Variants in KALRN observed in about 807,000 individuals in gnomAD.
KALRN encodes the protein kalirin RhoGEF kinase.
In KALRN, 70 loss-of-function variants were observed where a neutral mutation model predicts 353.7. The ratio of observed to expected loss-of-function variants is 0.20; its 90% CI spans 0.16 to 0.24. The LOEUF is 0.24. KALRN is among the 10% of genes least tolerant of loss of function. The pLI is 1.00. For missense variants in KALRN, 2,791 were observed against 3,756.7 expected (o/e 0.74, Z 6.72); for synonymous variants, 1,391 against 1,434.8 (o/e 0.97, Z 0.69).
intron 1 of KALRN, among the ~76,000 whole-genome samples, chr3:124,045,455 T>G (rs933005607): frequency 1.3e-5 from 2 of 152,166 alleles, no homozygotes; most frequent in Non-Finnish European, 2.9e-5. Context: ...GCTCAGATAC[T>G]TGGAAGTAAA....
chr3:124,205,417 G>T (rs370992196), intron 1 of KALRN, among the ~76,000 whole-genome samples: 1 of 152,178 alleles, frequency 6.6e-6, no homozygotes, highest in African/African-American at 2.4e-5. Flanking sequence ...CTTGACAGTC[G>T]TGTGACCTTG....
At chr3:124,552,395 C>T (rs776840197) in intron 33 of KALRN, among the ~76,000 whole-genome samples, 2 of 152,228 alleles carry the variant, frequency 1.3e-5, no homozygotes, top group Non-Finnish European at 2.9e-5. Flanking sequence ...ACCAGAGTTT[C>T]CTGGTCAACC....
Position 124,642,813 on chromosome 3 carries a change from T to TGTTGTTGTTG in KALRN, c.5664+5510_5664+5511insGTTGTTGTTG, listed in dbSNP as rs1365733888. Among the ~76,000 whole-genome samples the TGTTGTTGTTG allele has an allele frequency of 9.9e-4, 137 of 138,014 alleles. 5 individuals carry two copies. Among genetic ancestry groups the TGTTGTTGTTG allele is most frequent in the Non-Finnish European group, 1.5e-3 (95 of 64,874 alleles). 90.5% of individuals were successfully genotyped at this position (138,014 alleles called of 152,430 possible). A position where few individuals can be genotyped will look rare whatever the true frequency, so the allele number is the denominator to read the frequency against. On this transcript the variant is annotated intron_variant, in intron 37 of 59. Coordinates refer to ENST00000682506, the MANE Select transcript of KALRN (RefSeq NM_001388419.1). ...AAGAGATTCCCAAGCCTCGTTTTTT[T>TGTTGTTGTTG]TTTTTTTTTTTTTGAGACGGAGTTT...
chr3:124,632,573 G>A lies in KALRN; in HGVS notation c.5336G>A (p.Arg1779Gln), dbSNP rs1410358187. The change falls in exon 35 of 60, where the codon CGG becomes CAG. Residue 1779 changes from arginine to glutamine, a missense_variant. Arg to Gln is a conservative substitution (Grantham distance 43, BLOSUM62 1). Coordinates refer to ENST00000682506, the MANE Select transcript of KALRN (RefSeq NM_001388419.1). ...AAGTGGCTGACGAGTCCTGTGCGTC[G>A]GCTTAACAGCGGGAAGGCAGATGGA... Reference protein sequence around the residue: ...LKKWLTSPVRRLNSGKADGNI... With the variant: ...LKKWLTSPVRQLNSGKADGNI... 13 of 1,614,044 alleles carry A rather than the reference G, an allele frequency of 8.1e-6. No individual in the cohort carries two copies. Among genetic ancestry groups the A allele is most frequent in the African/African-American group, 1.3e-5 (1 of 74,906 alleles).
intron 1 of KALRN, among the ~76,000 whole-genome samples, chr3:124,210,983 A>G (rs76083180): frequency 0.03 from 4,620 of 152,268 alleles, 234 homozygotes; most frequent in African/African-American, 0.11. Context: ...TGCTCTCTGG[A>G]GGCAGCACAT....
At chr3:124,169,217 G>T (rs1175498199) in intron 1 of KALRN, among the ~76,000 whole-genome samples, 1 of 152,146 alleles carries the variant, frequency 6.6e-6, no homozygotes, top group Non-Finnish European at 1.5e-5. Context: ...CTTTCTGAGG[G>T]GTCAGTGCTG....
At position 124,398,887 on chromosome 3, in the gene KALRN, G is replaced by A. The variant is rs764724674; in HGVS notation, c.2346+16G>A. 76 of 1,588,398 alleles carry A rather than the reference G, an allele frequency of 4.8e-5. No individual in the cohort carries two copies. Among genetic ancestry groups the A allele is most frequent in the Non-Finnish European group, 5.9e-5 (69 of 1,166,498 alleles). On this transcript the variant is annotated intron_variant, in intron 13 of 59. Coordinates refer to ENST00000682506, the MANE Select transcript of KALRN (RefSeq NM_001388419.1). The stretch of plus-strand genomic sequence containing the variant: ...CACCATCGAGGTAGCAGGGGGCCAG[G>A]AGGGGAGGTGGAGAGGGGCCAAGAA...
chr3:124,326,541 T>A (rs1353321026), intron 7 of KALRN, among the ~76,000 whole-genome samples: 1 of 152,224 alleles, frequency 6.6e-6, no homozygotes, highest in African/African-American at 2.4e-5. Flanking sequence ...ATTGAGGTGC[T>A]GAGAGCAGGG....
chr3:124,077,532 C>A (rs1176248614), intron 1 of KALRN, among the ~76,000 whole-genome samples: 18 of 152,340 alleles, frequency 1.2e-4, no homozygotes, highest in African/African-American at 3.1e-4. Flanking sequence ...CGCATCCTTC[C>A]AGTCATTCAG....
At chr3:124,176,647 T>C (rs934000458) in intron 1 of KALRN, among the ~76,000 whole-genome samples, 8 of 152,210 alleles carry the variant, frequency 5.3e-5, no homozygotes, top group African/African-American at 1.9e-4. Flanking sequence ...CCATCAACTG[T>C]ATCACCTTGT....
chr3:124,653,984 C>T lies in KALRN; in HGVS notation c.5796-1617C>T, dbSNP rs531285229. Among the ~76,000 whole-genome samples the T allele has an allele frequency of 2.0e-5, 3 of 152,348 alleles. No homozygotes were observed. In the East Asian group the frequency reaches 5.8e-4, roughly 29 times the overall value. ...ACAGGTCCACTAGCAGCACCTAATA[C>T]AGTTCCCTTCTCTAAAGGCTGAGAA... On this transcript the variant is annotated intron_variant, in intron 38 of 59. Transcript: ENST00000682506.
intron 12 of KALRN, among the ~76,000 whole-genome samples, chr3:124,397,667 A>G (rs1273197491): frequency 6.6e-6 from 1 of 152,140 alleles, no homozygotes; most frequent in East Asian, 1.9e-4. Flanking sequence ...TCATTTTGCT[A>G]AGCAAATCAA....
intron 4 of KALRN, 127 bp downstream of exon 4, chr3:124,264,817 C>A: frequency 1.2e-6 from 1 of 825,612 alleles, no homozygotes. Flanking sequence ...TTTCAGGATT[C>A]CTTGGCCGCC....
intron 34 of KALRN, among the ~76,000 whole-genome samples, chr3:124,567,495 G>C (rs2073003303): frequency 6.6e-6 from 1 of 152,168 alleles, no homozygotes; most frequent in Non-Finnish European, 1.5e-5. Context: ...CTGTGTGTCA[G>C]AATTGGGGTG....
In KALRN at chr3:124,446,288, C is replaced by T; in HGVS notation, c.3429+12C>T. Reference sequence around the variant, plus strand: ...GCAGCGCTAAGCAGGTTGTCCAAAGCTTTCCCTGGCACTATCTCAGTTCTG... The same window carrying T: ...GCAGCGCTAAGCAGGTTGTCCAAAGTTTTCCCTGGCACTATCTCAGTTCTG... On this transcript the variant is annotated intron_variant, in intron 20 of 59. Transcript: ENST00000682506. 3 of 1,587,134 alleles carry T rather than the reference C, an allele frequency of 1.9e-6. No homozygotes were observed. Among genetic ancestry groups the T allele is most frequent in the Non-Finnish European group, 1.7e-6 (2 of 1,156,866 alleles).
chr3:124,632,251 C>T (rs1561475042), intron 34 of KALRN, among the ~76,000 whole-genome samples, 169 bp from the exon 35 acceptor site: 1 of 152,104 alleles, frequency 6.6e-6, no homozygotes, highest in Non-Finnish European at 1.5e-5. Context: ...ATTGAGTGAG[C>T]GTTTGCCTTT....
intron 3 of KALRN, among the ~76,000 whole-genome samples, chr3:124,250,673 G>A (rs896421180): frequency 2.6e-5 from 4 of 152,174 alleles, no homozygotes; most frequent in African/African-American, 9.7e-5. Flanking sequence ...TAAGGGGAGT[G>A]GGGAGCGGGA....
chr3:124,290,680 T>C (rs2076339340), intron 5 of KALRN, among the ~76,000 whole-genome samples: 1 of 152,166 alleles, frequency 6.6e-6, no homozygotes, highest in Non-Finnish European at 1.5e-5. Context: ...TCCTAATTCA[T>C]AAAAGGGAGA....
At chr3:124,647,903 G>C (rs2713652) in intron 37 of KALRN, among the ~76,000 whole-genome samples, 1 of 151,932 alleles carries the variant, frequency 6.6e-6, no homozygotes, top group East Asian at 1.9e-4. Context: ...TCCACACTTC[G>C]TCACATATTT....
Sources: allele counts gnomAD v4.1 joint callset (sites outside exome capture counted in the v4.1 genomes callset), GRCh38; gene constraint gnomAD v4.1.1; transcripts MANE v1.5; gene names NCBI Gene and HGNC (gene_info 2026-07-23, HGNC 2026-07-21).